The following MFRP variants were observed in gnomAD, a reference collection of about 807,000 sequenced individuals.
MFRP encodes C1q and TNF related 5.
Under a neutral mutation model 65.8 loss-of-function variants are expected in MFRP, and 74 were observed. That is an observed-to-expected ratio of 1.12 (90% confidence interval 0.93 to 1.36). MFRP has a LOEUF of 1.36. Among genes scored for constraint, MFRP ranks in the 40% most tolerant of loss-of-function variants. MFRP has a pLI of 0.00. For missense variants in MFRP, 838 were observed against 736.0 expected, an observed-to-expected ratio of 1.14 and a Z score of -1.60; for synonymous variants, 336 against 288.3, an observed-to-expected ratio of 1.17 and a Z score of -1.68.
rs922452001 is a variant in MFRP, at chr11:119,341,923, G to A, written c.1449C>T (p.Ala483=). 1 of 1,613,940 alleles carries A rather than the reference G, an allele frequency of 6.2e-7. No individual in the cohort carries two copies. Among genetic ancestry groups the A allele is most frequent in the Non-Finnish European group, 8.5e-7 (1 of 1,180,030 alleles). The change falls in exon 12 of 15, where the codon GCC becomes GCT. Residue 483 remains alanine, a synonymous_variant. Coordinates refer to ENST00000619721, the MANE Select transcript of MFRP (RefSeq NM_031433.4). ...TCATGCCCACCCAGATGTTAGGGAA[G>A]GCTGTGGTGTTGTAGCTCAGACCGA... The part of the protein sequence containing the change: ...MCLGLSYNTT[A]FPNIWVGMIT...
At position 119,344,745 on chromosome 11, in the gene MFRP, T is replaced by C. The variant is rs1423566160; in HGVS notation, c.785A>G (p.His262Arg). ...AMAPGRGSCAHDEFRCDQLIC... is the reference protein window; with the variant it reads ...AMAPGRGSCARDEFRCDQLIC... ...GAGCTGGTCACAGCGGAACTCATCA[T>C]GGGCACAGCTCCCTGGATGTGGGCA... The change falls in exon 7 of 15, where the codon CAT (histidine) becomes CGT (arginine). Residue 262 changes from histidine (H) to arginine (R), a missense_variant. Physicochemically the swap from His to Arg is conservative, Grantham distance 29 (BLOSUM62 0). Coordinates refer to ENST00000619721, the MANE Select transcript of MFRP (RefSeq NM_031433.4). 8 of 1,613,890 alleles carry C rather than the reference T, an allele frequency of 5.0e-6. No individual in the cohort carries two copies.
Position 119,344,738 on chromosome 11 carries a change from C to A in MFRP, c.792G>T (p.Glu264Asp), listed in dbSNP as rs541289282. 1 of 1,614,040 alleles carries A rather than the reference C, an allele frequency of 6.2e-7. No homozygotes were observed. The highest frequency in any genetic ancestry group is 8.5e-7 in the Non-Finnish European group (1 of 1,180,014). ...GGCAGATGAGCTGGTCACAGCGGAA[C>A]TCATCATGGGCACAGCTCCCTGGAT... is the stretch of plus-strand genomic sequence containing the variant. Reference protein sequence around the residue: ...APGRGSCAHDEFRCDQLICLL... With the variant: ...APGRGSCAHDDFRCDQLICLL... Residue 264 changes from glutamate to aspartate, a missense_variant, in exon 7 of 15, where the codon GAG (glutamate) becomes GAT (aspartate). Glu to Asp is a conservative substitution (Grantham distance 45). Transcript: ENST00000619721.
In MFRP at chr11:119,340,555, G is replaced by A. The variant is rs1332672051; in HGVS notation, c.*854-115C>T. 6.7e-6 allele frequency: 5 copies of A among 747,742 alleles called. No homozygotes were observed. The African/African-American group carries it at 9.3e-5, about 14-fold the overall frequency. 46.3% of individuals were successfully genotyped at this position (747,742 alleles called of 1,614,324 possible). On this transcript the variant is annotated intron_variant, in intron 13 of 14. Transcript: ENST00000619721. ...CACTGCCGTGCCCCTGAGGCTGAGC[G>A]CTCGCAGGGCCGAGCATCCGGAGAG...
chr11:119,346,177 G>A lies in MFRP; in HGVS notation c.158-18C>T. ...ACGCCGACCTGCGGGTTGGCAGGTG[G>A]GGTTTTGAAAGCCCCTTCTGTTGGG... On this transcript the variant is annotated intron_variant, in intron 2 of 14. Coordinates refer to ENST00000619721, the MANE Select transcript of MFRP (RefSeq NM_031433.4). The A allele has an allele frequency of 6.3e-7, 1 of 1,576,696 alleles. No individual in the cohort carries two copies. Among genetic ancestry groups the A allele is most frequent in the South Asian group, 1.1e-5 (1 of 87,016 alleles).
rs1950565228 is a variant in MFRP at position 119,346,145 on chromosome 11, C to T, written c.172G>A (p.Gly58Arg). The change falls in exon 3 of 15, where the codon GGG (glycine) becomes AGG (arginine). Residue 58 changes from glycine to arginine, a missense_variant. By Grantham distance (125) the Gly-to-Arg change is moderately radical. Coordinates refer to ENST00000619721, the MANE Select transcript of MFRP (RefSeq NM_031433.4). ...PAPWHGRRPR[G>R]LRPDCRFSWL... ...GAGAAGCGGCAGTCTGGCCGTAGCCCTCGAGGACGCCGACCTGCGGGTTGG... is the reference window on the plus strand; with the variant it reads ...GAGAAGCGGCAGTCTGGCCGTAGCCTTCGAGGACGCCGACCTGCGGGTTGG... 6 of 1,595,572 alleles carry T rather than the reference C, an allele frequency of 3.8e-6. No individual in the cohort carries two copies. Among genetic ancestry groups the T allele is most frequent in the Admixed American group, 1.8e-5 (1 of 56,640 alleles).
In MFRP at chr11:119,345,639, G is replaced by A. The variant is rs765604419; in HGVS notation, c.428-6C>T. 2.5e-6 allele frequency: 4 copies of A among 1,613,506 alleles called. No individual in the cohort carries two copies. In the Admixed American group the frequency reaches 6.7e-5, roughly 27 times the overall value. ...AGAGAGGAGGCCTCCACAGGCTGCA[G>A]AGATGGAGGTTAGAGTTCAGAGGTC... On this transcript the variant is annotated splice_polypyrimidine_tract_variant and splice_region_variant and intron_variant, in intron 4 of 14. Transcript: ENST00000619721.
rs767183449 is a variant in MFRP, at chr11:119,344,982, G to A, written c.664C>T (p.Pro222Ser). The A allele has an allele frequency of 5.6e-6, 9 of 1,606,992 alleles. No individual in the cohort carries two copies. The highest frequency in any genetic ancestry group is 4.0e-5 in the African/African-American group (3 of 74,872). The part of the protein sequence containing the change: ...LLRVCGRVPP[P>S]TLNTNASHLL... ...TGGCTGGCATTGGTGTTGAGCGTGGGGGGAGGCACCCTTCCACAAACCCTG... is the reference window on the plus strand; with the variant it reads ...TGGCTGGCATTGGTGTTGAGCGTGGAGGGAGGCACCCTTCCACAAACCCTG... The change falls in exon 6 of 15, where the codon CCC becomes TCC. Residue 222 changes from proline (P) to serine (S), a missense_variant. Pro to Ser is a moderately conservative substitution (Grantham distance 74, BLOSUM62 -1). Coordinates refer to ENST00000619721, the MANE Select transcript of MFRP (RefSeq NM_031433.4).
chr11:119,341,670 A>G lies in MFRP; in HGVS notation c.1618T>C (p.Ser540Pro). Residue 540 changes from serine (S) to proline (P), a missense_variant, in exon 13 of 15, where the codon TCT becomes CCT. Ser to Pro is a moderately conservative substitution (Grantham distance 74, BLOSUM62 -1). Coordinates refer to ENST00000619721, the MANE Select transcript of MFRP (RefSeq NM_031433.4). The part of the protein sequence containing the change: ...PLGSVLPPCR[S>P]VCQEAEHQCQ... ...TGGTGCTCCGCTTCCTGGCAGACAG[A>G]GCGGCAAGGGGGCAGAACACTGCCT... 1 of 1,613,020 alleles carries G rather than the reference A, an allele frequency of 6.2e-7. No homozygotes were observed. The highest frequency in any genetic ancestry group is 8.5e-7 in the Non-Finnish European group (1 of 1,180,014).
chr11:119,346,276 C>A lies in MFRP; in HGVS notation c.153G>T (p.Trp51Cys). ...GTCACCCCCTGGGATGGTTACCATG[C>A]CAGGGAGCTGGGACGCTGTAGCTGG... ...EDASYSVPAP[W>C]HGRRPRGLRP... The change falls in exon 2 of 15, where the codon TGG becomes TGT. Residue 51 changes from tryptophan (W) to cysteine (C), a missense_variant. By Grantham distance (215) the Trp-to-Cys change is radical. Coordinates refer to ENST00000619721, the MANE Select transcript of MFRP (RefSeq NM_031433.4). The A allele has an allele frequency of 1.2e-6, 2 of 1,612,400 alleles. No homozygotes were observed. Among genetic ancestry groups the A allele is most frequent in the Non-Finnish European group, 1.7e-6 (2 of 1,179,318 alleles).
At position 119,345,623 on chromosome 11, in the gene MFRP, G is replaced by A. The variant is rs375311255; in HGVS notation, c.438C>T (p.Gly146=). Residue 146 remains glycine, a synonymous_variant, in exon 5 of 15, where the codon GGC becomes GGT. Coordinates refer to ENST00000619721, the MANE Select transcript of MFRP (RefSeq NM_031433.4). ...AGAAGCCCCTTGGGCCAGAGAGGAG[G>A]CCTCCACAGGCTGCAGAGATGGAGG... ...VSPSPQSTCG[G]LLSGPRGFFS... 2 of 1,613,640 alleles carry A rather than the reference G, an allele frequency of 1.2e-6. No homozygotes were observed.
chr11:119,343,993 A>G (rs911586718), intron 8 of MFRP, 29 bp from the exon 9 acceptor site: 1 of 1,608,874 alleles, frequency 6.2e-7, no homozygotes, highest in Non-Finnish European at 8.5e-7. Flanking sequence ...GGAGCAATTC[A>G]TGGCCCCTTC....
chr11:119,346,684 A>T lies in MFRP; in HGVS notation c.-171T>A. On this transcript the variant is annotated 5_prime_UTR_variant, in exon 1 of 15. Transcript: ENST00000619721. Reference sequence around the variant, plus strand: ...TGTCCTTGGTAGAGTGGTTTGGCCTATGGGCTACTCTGTCTCTGTGTGGGG... The same window carrying T: ...TGTCCTTGGTAGAGTGGTTTGGCCTTTGGGCTACTCTGTCTCTGTGTGGGG... 1 of 696,090 alleles carries T rather than the reference A, an allele frequency of 1.4e-6. No homozygotes were observed. Among genetic ancestry groups the T allele is most frequent in the Non-Finnish European group, 2.6e-6 (1 of 386,272 alleles). The allele number at this position is 696,090 out of a possible 1,614,324, so 43.1% of individuals were successfully genotyped here. A position where few individuals can be genotyped will look rare whatever the true frequency, so the allele number is the denominator to read the frequency against.
chr11:119,346,221 T>G (rs1950567278), intron 2 of MFRP, 51 bp downstream of exon 2: 4 of 1,570,358 alleles, frequency 2.5e-6, no homozygotes, highest in Non-Finnish European at 3.5e-6. Context: ...ATGCTGTCCT[T>G]GGCTCCTGGG....
rs1435769777 is a variant in MFRP at position 119,341,532 on chromosome 11, G to C, written c.*16C>G. On this transcript the variant is annotated 3_prime_UTR_variant, in exon 13 of 15. Coordinates refer to ENST00000619721, the MANE Select transcript of MFRP (RefSeq NM_031433.4). ...AAAGAGGACGGGCAGGAAGAGGGCAGGGGCCGGCTTCAGGGTCAGGGCTGG... is the reference window on the plus strand; with the variant it reads ...AAAGAGGACGGGCAGGAAGAGGGCACGGGCCGGCTTCAGGGTCAGGGCTGG... 1 of 1,606,680 alleles carries C rather than the reference G, an allele frequency of 6.2e-7. No homozygotes were observed. Among genetic ancestry groups the C allele is most frequent in the African/African-American group, 1.3e-5 (1 of 74,802 alleles).
chr11:119,340,235 G>T lies in MFRP; in HGVS notation c.*1059C>A. 2 of 1,513,064 alleles carry T rather than the reference G, an allele frequency of 1.3e-6. No individual in the cohort carries two copies. Among genetic ancestry groups the T allele is most frequent in the East Asian group, 2.7e-5 (1 of 36,708 alleles). 93.7% of individuals were successfully genotyped at this position (1,513,064 alleles called of 1,614,324 possible). ...CCCGGAGCCCCGGGCGCGCCGTCGC[G>T]GCCGTCGCGGCCATCGCGGCCCGGC... On this transcript the variant is annotated 3_prime_UTR_variant, in exon 14 of 15. Transcript: ENST00000619721.
Position 119,345,494 on chromosome 11 carries a change from G to A in MFRP, c.567C>T (p.Leu189=), listed in dbSNP as rs367873920. The A allele has an allele frequency of 1.9e-6, 3 of 1,614,026 alleles. No individual in the cohort carries two copies. The African/African-American group carries it at 4.0e-5, about 22-fold the overall frequency. Residue 189 remains leucine, a synonymous_variant, in exon 5 of 15, where the codon CTC becomes CTT. Coordinates refer to ENST00000619721, the MANE Select transcript of MFRP (RefSeq NM_031433.4). The stretch of plus-strand genomic sequence containing the variant: ...GGCAAGAGGCCACACTCTCTATGCT[G>A]AGGGCTTCGATCTTGAGCTGTATTG... ...DHAIQLKIEA[L]SIESVASCLF...
Position 119,341,823 on chromosome 11 carries a change from C to T in MFRP, c.1515+34G>A, listed in dbSNP as rs1410663245. ...CACCTGCTCCCAGGCTCCTCCCCTC[C>T]CAGGCCCGCCCTCCTTCCCTCCACC... On this transcript the variant is annotated intron_variant, in intron 12 of 14. Coordinates refer to ENST00000619721, the MANE Select transcript of MFRP (RefSeq NM_031433.4). 1.9e-6 allele frequency: 3 copies of T among 1,613,346 alleles called. No homozygotes were observed. In the African/African-American group the frequency reaches 4.0e-5, roughly 22 times the overall value.
Position 119,341,968 on chromosome 11 carries a change from A to G in MFRP, c.1404T>C (p.Pro468=), listed in dbSNP as rs972347142. The G allele has an allele frequency of 6.2e-7, 1 of 1,613,692 alleles. No individual in the cohort carries two copies. Among genetic ancestry groups the G allele is most frequent in the Non-Finnish European group, 8.5e-7 (1 of 1,180,032 alleles). ...GACCGAGGCACATCTCCACCTGGAC[A>G]GGCTCACAGGCCAGCTCTGCAGGGG... ...LFPPPELACE[P]VQVEMCLGLS... The change falls in exon 12 of 15, where the codon CCT becomes CCC. Residue 468 remains proline (P), a synonymous_variant. Coordinates refer to ENST00000619721, the MANE Select transcript of MFRP (RefSeq NM_031433.4).
In MFRP at chr11:119,341,394, G is replaced by T; in HGVS notation, c.*154C>A. On this transcript the variant is annotated 3_prime_UTR_variant, in exon 13 of 15. Transcript: ENST00000619721. ...AGCAGGGAGGGTGGTAGGGTCCCAT[G>T]AGCCCCAGCTGAGGACTTCTCTTCC... 1.5e-6 allele frequency: 1 copy of T among 651,036 alleles called. No individual in the cohort carries two copies. Among genetic ancestry groups the T allele is most frequent in the Non-Finnish European group, 2.6e-6 (1 of 380,784 alleles). The allele number at this position is 651,036 out of a possible 1,614,324, so 40.3% of individuals were successfully genotyped here.
Sources: gnomAD v4.1 joint callset for allele counts on GRCh38, gnomAD v4.1.1 for gene constraint, MANE v1.5 for transcripts, NCBI Gene and HGNC (gene_info 2026-07-23, HGNC 2026-07-21) for gene names.